Variants in RBMS3 observed in about 807,000 individuals in gnomAD.
RBMS3 encodes the protein RNA binding motif single stranded interacting protein 3.
A neutral mutation model predicts 66.8 loss-of-function variants in RBMS3; 27 were observed. The ratio of observed to expected loss-of-function variants is 0.40; its 90% CI spans 0.30 to 0.56. The LOEUF (loss-of-function observed/expected upper bound fraction) is 0.56. RBMS3 is among the 20% of genes least tolerant of loss of function. RBMS3 has a pLI of 0.40. For synonymous variants in RBMS3, 188 were observed against 183.0 expected, an observed-to-expected ratio of 1.03 and a Z score of -0.22; for missense variants, 513 against 549.5, an observed-to-expected ratio of 0.93 and a Z score of 0.66.
At chr3:29,859,124 C>T (rs1330295832) in intron 6 of RBMS3, among the ~76,000 whole-genome samples, 3 of 152,130 alleles carry the variant, frequency 2.0e-5, no homozygotes, top group Non-Finnish European at 4.4e-5. Flanking sequence ...TATTCCCTCA[C>T]CAGTTTTTGG....
chr3:29,773,836 G>C (rs1004786272), intron 6 of RBMS3, among the ~76,000 whole-genome samples: 3 of 152,020 alleles, frequency 2.0e-5, no homozygotes, highest in African/African-American at 7.2e-5. Flanking sequence ...AGAATACCCT[G>C]TGTATGATGT....
At chr3:29,861,898 AC>A (rs961671702) in intron 6 of RBMS3, among the ~76,000 whole-genome samples, 25 of 152,258 alleles carry the variant, frequency 1.6e-4, no homozygotes, top group African/African-American at 5.8e-4. Flanking sequence ...TGCATCATAG[AC>A]CATAATGTCT....
In RBMS3 at chr3:30,004,123, C is replaced by A; in HGVS notation, c.*261C>A. 6.7e-6 allele frequency: 2 copies of A among 300,740 alleles called. No individual in the cohort carries two copies. Among genetic ancestry groups the A allele is most frequent in the Non-Finnish European group, 1.2e-5 (2 of 166,450 alleles). The allele number at this position is 300,740 out of a possible 1,614,324, so 18.6% of individuals were successfully genotyped here. ...AAATTTCCAGAAGAGGAAAAAAAAA[C>A]TACAAAAAACAAAACATTGAAGGTT... On this transcript the variant is annotated 3_prime_UTR_variant, in exon 15 of 15. Coordinates refer to ENST00000383767, the MANE Select transcript of RBMS3 (RefSeq NM_001003793.3).
At chr3:29,978,373 G>C (rs570173124) in intron 12 of RBMS3, among the ~76,000 whole-genome samples, 2 of 152,108 alleles carry the variant, frequency 1.3e-5, no homozygotes, top group Non-Finnish European at 2.9e-5. Context: ...AAACTCCATA[G>C]CATTGATTAG....
chr3:29,624,295 G>C (rs1326638133), intron 4 of RBMS3, among the ~76,000 whole-genome samples: 1 of 152,126 alleles, frequency 6.6e-6, no homozygotes, highest in Admixed American at 6.5e-5. Context: ...TGGAAGTCTA[G>C]CTCCCCAAAA....
intron 6 of RBMS3, among the ~76,000 whole-genome samples, chr3:29,813,645 T>A (rs1054950793): frequency 1.3e-5 from 2 of 152,012 alleles, no homozygotes; most frequent in Non-Finnish European, 2.9e-5. Flanking sequence ...TTCTATCCTC[T>A]TTTTTTTCGT....
At chr3:29,374,118 AT>A (rs1316870909) in intron 1 of RBMS3, among the ~76,000 whole-genome samples, 2 of 152,218 alleles carry the variant, frequency 1.3e-5, no homozygotes, top group Non-Finnish European at 2.9e-5. Context: ...GACTATAACC[AT>A]TTGACTTTTC....
chr3:29,298,609 C>T (rs1362086275), intron 1 of RBMS3, among the ~76,000 whole-genome samples: 2 of 150,050 alleles, frequency 1.3e-5, no homozygotes, highest in African/African-American at 2.4e-5. Context: ...TTTTTTTTTC[C>T]GGGAAATATT....
rs567075040 is a variant in RBMS3 at position 29,997,618 on chromosome 3, G to A, written c.1308-6238G>A. On this transcript the variant is annotated intron_variant, in intron 14 of 14. Coordinates refer to ENST00000383767, the MANE Select transcript of RBMS3 (RefSeq NM_001003793.3). Reference sequence around the variant, plus strand: ...GGGAGGCAAGGCTGGTTCAATATACGCAAATCAATAAATGTAATCCAGCAT... The same window carrying A: ...GGGAGGCAAGGCTGGTTCAATATACACAAATCAATAAATGTAATCCAGCAT... Among the ~76,000 whole-genome samples, 651 of 151,410 alleles carry A rather than the reference G, an allele frequency of 4.3e-3. 3 individuals carry two copies. The highest frequency in any genetic ancestry group is 9.1e-3 in the South Asian group (43 of 4,742).
intron 4 of RBMS3, among the ~76,000 whole-genome samples, chr3:29,622,713 G>C (rs2048909211): frequency 6.6e-6 from 1 of 152,204 alleles, no homozygotes; most frequent in Non-Finnish European, 1.5e-5. Flanking sequence ...GGAGGGCACA[G>C]ACTGTGGAGC....
chr3:29,479,752 T>G (rs2043068428), intron 2 of RBMS3, among the ~76,000 whole-genome samples: 1 of 152,222 alleles, frequency 6.6e-6, no homozygotes. Flanking sequence ...TTATTTTTCC[T>G]TTGCATTGCT....
intron 2 of RBMS3, among the ~76,000 whole-genome samples, chr3:29,446,020 A>T (rs188599041): frequency 2.0e-5 from 3 of 152,328 alleles, no homozygotes; most frequent in Non-Finnish European, 2.9e-5. Context: ...AACAATCAAG[A>T]TATAAAACAT....
intron 4 of RBMS3, among the ~76,000 whole-genome samples, chr3:29,685,787 A>G (rs926842070): frequency 3.3e-5 from 5 of 152,320 alleles, no homozygotes; most frequent in African/African-American, 9.6e-5. Flanking sequence ...TCACTTTGGT[A>G]AGAACTTCAG....
At chr3:29,423,376 A>C (rs1363646440) in intron 1 of RBMS3, among the ~76,000 whole-genome samples, 1 of 152,166 alleles carries the variant, frequency 6.6e-6, no homozygotes, top group Non-Finnish European at 1.5e-5. Context: ...ACTTCCTACA[A>C]ATCTTTTAAT....
intron 3 of RBMS3, among the ~76,000 whole-genome samples, chr3:29,499,054 G>A (rs564109147): frequency 5.5e-4 from 84 of 152,168 alleles, no homozygotes; most frequent in Non-Finnish European, 9.1e-4. Flanking sequence ...CGCAGTGACA[G>A]GTGATGGAAT....
intron 10 of RBMS3, among the ~76,000 whole-genome samples, chr3:29,928,205 T>TACAC (rs1348801229): frequency 4.4e-5 from 5 of 112,432 alleles, no homozygotes; most frequent in African/African-American, 1.7e-4. Flanking sequence ...TATATATATA[T>TACAC]ATATATACAC....
chr3:29,370,244 T>A (rs1327200012), intron 1 of RBMS3, among the ~76,000 whole-genome samples: 1 of 152,178 alleles, frequency 6.6e-6, no homozygotes. Flanking sequence ...TTGGTTTTAG[T>A]TGGACTTTGT....
intron 3 of RBMS3, among the ~76,000 whole-genome samples, chr3:29,547,384 A>T (rs1297689660): frequency 6.6e-6 from 1 of 152,182 alleles, no homozygotes; most frequent in Non-Finnish European, 1.5e-5. Flanking sequence ...TGTAGGTAGT[A>T]ACTTGCTTCT....
chr3:29,488,609 A>G, intron 3 of RBMS3, 110 bp downstream of exon 3: 1 of 852,508 alleles, frequency 1.2e-6, no homozygotes, highest in Non-Finnish European at 1.7e-6. Context: ...AATGCATAGT[A>G]TGGAAAACCT....
Sources: gnomAD v4.1 joint callset for allele counts (sites outside exome capture counted in the v4.1 genomes callset) on GRCh38, gnomAD v4.1.1 for gene constraint, MANE v1.5 for transcripts, NCBI Gene and HGNC (gene_info 2026-07-23, HGNC 2026-07-21) for gene names.